The following PDE8A variants were observed in gnomAD, a reference collection of about 807,000 sequenced individuals.
PDE8A encodes the protein high affinity cAMP-specific and IBMX-insensitive 3',5'-cyclic phosphodiesterase 8A.
Under a neutral mutation model 105.0 loss-of-function variants are expected in PDE8A, and 59 were observed. The ratio of observed to expected loss-of-function variants is 0.56; its 90% CI spans 0.46 to 0.70. The LOEUF (loss-of-function observed/expected upper bound fraction) is 0.70, where lower values mean the gene tolerates loss of function less well. Ranked by LOEUF, PDE8A falls within the 30% of genes least tolerant of loss-of-function variation. PDE8A has a pLI of 0.00. For missense variants in PDE8A, 1,014 were observed against 1,045.9 expected (o/e 0.97, Z 0.42); for synonymous variants, 355 against 371.9 (o/e 0.95, Z 0.52).
chr15:85,063,162 A>G (rs1252198547), intron 1 of PDE8A: 1 of 152,248 alleles, frequency 6.6e-6, no homozygotes, highest in Non-Finnish European at 1.5e-5. Flanking sequence ...CCAGTGGCCC[A>G]TAATTACTAG....
At chr15:84,983,399 T>A (rs1382282073) in intron 1 of PDE8A, among the ~76,000 whole-genome samples, 1 of 152,240 alleles carries the variant, frequency 6.6e-6, no homozygotes, top group East Asian at 1.9e-4. Context: ...CTGCTGAACC[T>A]CCGAAGTTTG....
At chr15:85,007,200 G>C (rs905803415) in intron 1 of PDE8A, among the ~76,000 whole-genome samples, 6 of 152,080 alleles carry the variant, frequency 3.9e-5, no homozygotes, top group Admixed American at 1.3e-4. Flanking sequence ...GAGAACAGAT[G>C]ATATAGGGCC....
Position 85,126,261 on chromosome 15 carries a change from C to T in PDE8A, c.2140C>T (p.Arg714Trp), listed in dbSNP as rs751038012. 6.8e-6 allele frequency: 11 copies of T among 1,612,700 alleles called. No homozygotes were observed. The highest frequency in any genetic ancestry group is 1.1e-5 in the South Asian group (1 of 90,866). Residue 714 changes from arginine to tryptophan, a missense_variant, in exon 20 of 22, where the codon CGG (arginine) becomes TGG (tryptophan). Coordinates refer to ENST00000394553, the MANE Select transcript of PDE8A (RefSeq NM_002605.3). ...INTMLRTPEN[R>W]TLIKRMLIKC... ...CACTATGCTTAGGACTCCAGAGAACCGGACCCTAATCAAACGAATGCTGAT... is the reference window on the plus strand; with the variant it reads ...CACTATGCTTAGGACTCCAGAGAACTGGACCCTAATCAAACGAATGCTGAT...
chr15:85,087,270 A>G (rs1217072148), intron 6 of PDE8A, among the ~76,000 whole-genome samples: 1 of 151,904 alleles, frequency 6.6e-6, no homozygotes, highest in African/African-American at 2.4e-5. Flanking sequence ...TTGTGTGATC[A>G]CTGCTCACTG....
intron 1 of PDE8A, 60 bp downstream of exon 1, chr15:84,982,408 T>C: frequency 8.6e-7 from 1 of 1,160,884 alleles, no homozygotes; most frequent in Middle Eastern, 3.0e-4. Context: ...AGTAAGCAAC[T>C]TTCCCGCAGG....
rs753738202 is a variant in PDE8A, at chr15:85,115,441, T to G, written c.1353T>G (p.Asp451Glu). Reference protein sequence around the residue: ...ANDLVGGLMSDGLRRLSGNEY... With the variant: ...ANDLVGGLMSEGLRRLSGNEY... ...CTTGTTTCCTTGATTTTTATCAGGA[T>G]GGTTTGCGAAGACTATCAGGGAATG... The change falls in exon 15 of 22, where the codon GAT becomes GAG. Residue 451 changes from aspartate (D) to glutamate (E), a missense_variant and splice_region_variant. Physicochemically the swap from Asp to Glu is conservative, Grantham distance 45. Transcript: ENST00000394553. The G allele has an allele frequency of 6.5e-7, 1 of 1,540,440 alleles. No homozygotes were observed. Among genetic ancestry groups the G allele is most frequent in the South Asian group, 1.2e-5 (1 of 81,100 alleles).
intron 11 of PDE8A, among the ~76,000 whole-genome samples, chr15:85,108,576 A>G (rs575935272): frequency 6.6e-5 from 10 of 152,322 alleles, no homozygotes; most frequent in Admixed American, 1.3e-4. Context: ...CAGATGAGCT[A>G]TCATTTGAAA....
chr15:85,110,342 G>C (rs532300793), intron 12 of PDE8A, among the ~76,000 whole-genome samples: 9 of 152,186 alleles, frequency 5.9e-5, no homozygotes, highest in African/African-American at 2.2e-4. Flanking sequence ...TGATTTTTGA[G>C]TTATAATTTA....
intron 6 of PDE8A, among the ~76,000 whole-genome samples, chr15:85,087,480 G>T (rs1202160002): frequency 1.3e-5 from 2 of 152,236 alleles, no homozygotes; most frequent in Non-Finnish European, 2.9e-5. Flanking sequence ...CATTACAGGT[G>T]TGATCCACCG....
chr15:85,025,810 G>A (rs2080506984), intron 1 of PDE8A, among the ~76,000 whole-genome samples: 1 of 152,146 alleles, frequency 6.6e-6, no homozygotes, highest in Admixed American at 6.5e-5. Flanking sequence ...AGGAAGCCAG[G>A]AACACCTTGA....
Position 85,013,683 on chromosome 15 carries a change from G to A in PDE8A, c.186+31335G>A, listed in dbSNP as rs565592744. On this transcript the variant is annotated intron_variant, in intron 1 of 21. Coordinates refer to ENST00000394553, the MANE Select transcript of PDE8A (RefSeq NM_002605.3). Reference sequence around the variant, plus strand: ...GTTTACTGGCTTAAAACAGTAATAAGCATTTATTTCTCACTGTTTCTTTGG... The same window carrying A: ...GTTTACTGGCTTAAAACAGTAATAAACATTTATTTCTCACTGTTTCTTTGG... Among the ~76,000 whole-genome samples the A allele has an allele frequency of 5.9e-5, 9 of 152,292 alleles. No homozygotes were observed. The South Asian group carries it at 8.3e-4, about 14-fold the overall frequency.
chr15:85,076,851 C>A, intron 5 of PDE8A, 64 bp downstream of exon 5: 2 of 1,028,752 alleles, frequency 1.9e-6, no homozygotes, highest in South Asian at 1.3e-5. Flanking sequence ...TATCTCAGTT[C>A]AGTACCCAGC....
chr15:85,062,074 A>G (rs72757060), intron 1 of PDE8A, among the ~76,000 whole-genome samples: 5,336 of 152,146 alleles, frequency 0.035, 147 homozygotes, highest in Non-Finnish European at 0.058. Flanking sequence ...TTTGTCTAGT[A>G]GATCTGCCAT....
chr15:84,990,170 G>A (rs946417550), intron 1 of PDE8A, among the ~76,000 whole-genome samples: 1 of 152,000 alleles, frequency 6.6e-6, no homozygotes, highest in Non-Finnish European at 1.5e-5. Flanking sequence ...GGGCAATATA[G>A]CAAGACCTCA....
intron 1 of PDE8A, among the ~76,000 whole-genome samples, chr15:85,008,489 C>A (rs1359033094): frequency 6.6e-6 from 1 of 151,954 alleles, no homozygotes; most frequent in African/African-American, 2.4e-5. Context: ...AAGTTGAAGT[C>A]ATTCTAGTTC....
chr15:85,029,252 G>C (rs1013724663), intron 1 of PDE8A, among the ~76,000 whole-genome samples: 1 of 151,992 alleles, frequency 6.6e-6, no homozygotes, highest in Admixed American at 6.6e-5. Flanking sequence ...TCTGAAGCCA[G>C]GACTATTTTT....
rs569188828 is a variant in PDE8A at position 85,137,965 on chromosome 15, C to CCTTTCAGTACT, written c.*62_*63insCTTTCAGTACT. 4.0e-4 allele frequency: 409 copies of CCTTTCAGTACT among 1,020,892 alleles called. 4 individuals are homozygous for CCTTTCAGTACT. In the East Asian group the frequency reaches 9.8e-3, roughly 24 times the overall value. 63.2% of individuals were successfully genotyped at this position (1,020,892 alleles called of 1,614,324 possible). On this transcript the variant is annotated 3_prime_UTR_variant, in exon 22 of 22. Transcript: ENST00000394553. ...TTCGGTCATTTGGAATTCCTGAGGGCAGCCAGAGCTCCTTGGTCCTTTCAG... is the reference window on the plus strand; with the variant it reads ...TTCGGTCATTTGGAATTCCTGAGGGCCTTTCAGTACTAGCCAGAGCTCCTTGGTCCTTTCAG...
intron 9 of PDE8A, among the ~76,000 whole-genome samples, chr15:85,099,425 C>T (rs1283334427): frequency 1.3e-5 from 2 of 152,178 alleles, no homozygotes; most frequent in Non-Finnish European, 2.9e-5. Context: ...GATTCTTTGC[C>T]CTTTTATGTC....
intron 1 of PDE8A, among the ~76,000 whole-genome samples, chr15:84,995,311 A>G (rs1224250359): frequency 7.6e-6 from 1 of 131,782 alleles, no homozygotes; most frequent in Non-Finnish European, 1.6e-5. Flanking sequence ...GTTACACAGT[A>G]TGTACCTTTT....
Sources: gnomAD v4.1 joint callset for allele counts (sites outside exome capture counted in the v4.1 genomes callset) on GRCh38, gnomAD v4.1.1 for gene constraint, MANE v1.5 for transcripts, NCBI Gene and HGNC (gene_info 2026-07-23, HGNC 2026-07-21) for gene names.